TECPR2: variants seen among roughly 807,000 people sequenced by gnomAD.
The protein encoded by TECPR2 is tectonin beta-propeller repeat containing 2.
TECPR2 carries 65 observed loss-of-function variants against 138.1 expected under a neutral mutation model. That is an observed-to-expected ratio of 0.47 (90% CI 0.39 to 0.58). The LOEUF is 0.58. TECPR2 is among the 20% of genes least tolerant of loss of function. The pLI, the probability that TECPR2 is intolerant of heterozygous loss-of-function variation, is 0.00. For synonymous variants in TECPR2, 746 were observed against 749.8 expected, an observed-to-expected ratio of 0.99 and a Z score of 0.08; for missense variants, 1,553 against 1,824.5, an observed-to-expected ratio of 0.85 and a Z score of 2.71.
chr14:102,398,027 C>A (rs1429532326), intron 2 of TECPR2, among the ~76,000 whole-genome samples: 3 of 133,164 alleles, frequency 2.3e-5, no homozygotes, highest in Admixed American at 8.2e-5. Flanking sequence ...GAGCCAAGAT[C>A]GTGCCACTGC....
At chr14:102,497,396 C>A in intron 18 of TECPR2, 174 bp from the exon 19 acceptor site, 2 of 1,047,730 alleles carry the variant, frequency 1.9e-6, no homozygotes, top group Non-Finnish European at 1.3e-6. Context: ...CTTTGCTGGC[C>A]CTGCCAACTG....
rs1219515960 is a variant in TECPR2, at chr14:102,411,698, T to TAAAAAAAAAAA, written c.481-2938_481-2937insAAAAAAAAAAA. Among the ~76,000 whole-genome samples, 39 of 9,686 alleles carry TAAAAAAAAAAA rather than the reference T, an allele frequency of 4.0e-3. 2 individuals carry two copies. Among genetic ancestry groups the TAAAAAAAAAAA allele is most frequent in the Non-Finnish European group, 5.3e-3 (28 of 5,242 alleles). 6.4% of individuals were successfully genotyped at this position (9,686 alleles called of 152,430 possible). A position where few individuals can be genotyped will look rare whatever the true frequency, so the allele number is the denominator to read the frequency against. ...CAGGTGAAATAAACAGCCATGTTGC[T>TAAAAAAAAAAA]CAAAAAAAAAAAAAAAAAAAAAAAA... On this transcript the variant is annotated intron_variant, in intron 4 of 19. Coordinates refer to ENST00000359520, the MANE Select transcript of TECPR2 (RefSeq NM_014844.5).
At chr14:102,488,750 A>C (rs1477802230) in intron 17 of TECPR2, among the ~76,000 whole-genome samples, 3 of 151,802 alleles carry the variant, frequency 2.0e-5, no homozygotes, top group Admixed American at 2.0e-4. Flanking sequence ...ACTATAGTAC[A>C]CTGTCACAAC....
At chr14:102,409,748 C>T (rs924274750) in intron 4 of TECPR2, among the ~76,000 whole-genome samples, 3 of 152,168 alleles carry the variant, frequency 2.0e-5, no homozygotes, top group African/African-American at 7.2e-5. Flanking sequence ...CATTTTTGTT[C>T]ATATGGGTTA....
At chr14:102,385,553 C>A (rs1157500265) in intron 2 of TECPR2, among the ~76,000 whole-genome samples, 1 of 152,134 alleles carries the variant, frequency 6.6e-6, no homozygotes, top group Non-Finnish European at 1.5e-5. Flanking sequence ...GAGCAGCATC[C>A]ACAGGCTGTA....
chr14:102,484,747 C>T (rs117042657), intron 17 of TECPR2, among the ~76,000 whole-genome samples: 4,338 of 152,280 alleles, frequency 0.028, 83 homozygotes, highest in Middle Eastern at 0.092. Context: ...CAGCCTCCCC[C>T]TCCTGTGTTC....
rs1887224900 is a variant in TECPR2, at chr14:102,363,105, C to T, written c.-84C>T. ...GGCGGGGCCGACGAGTCCGGAGGGG[C>T]TGCCGCGGGAGGTGAGTCCGGCGAC... is the stretch of plus-strand genomic sequence containing the variant. On this transcript the variant is annotated 5_prime_UTR_variant, in exon 1 of 20. Transcript: ENST00000359520. 2.4e-6 allele frequency: 1 copy of T among 417,556 alleles called. No homozygotes were observed. The highest frequency in any genetic ancestry group is 4.2e-6 in the Non-Finnish European group (1 of 237,990). The allele number at this position is 417,556 out of a possible 1,614,324, so 25.9% of individuals were successfully genotyped here. A position where few individuals can be genotyped will look rare whatever the true frequency, so the allele number is the denominator to read the frequency against.
chr14:102,486,270 G>A (rs928042458), intron 17 of TECPR2, among the ~76,000 whole-genome samples: 1 of 152,106 alleles, frequency 6.6e-6, no homozygotes, highest in Non-Finnish European at 1.5e-5. Context: ...GTTTCCAAAT[G>A]TTTTTTAGCA....
chr14:102,470,188 T>A (rs1447360123), intron 17 of TECPR2, among the ~76,000 whole-genome samples: 2 of 152,182 alleles, frequency 1.3e-5, no homozygotes, highest in African/African-American at 4.8e-5. Context: ...TACACCCCAT[T>A]TGTTAGAATT....
intron 4 of TECPR2, among the ~76,000 whole-genome samples, chr14:102,410,475 A>AAAAAAAT (rs199767439): frequency 1.0e-4 from 15 of 147,754 alleles, no homozygotes; most frequent in African/African-American, 3.8e-4. Context: ...TAAATTAAAA[A>AAAAAAAT]AAAAAATAAA....
At chr14:102,460,934 A>G (rs543163480) in intron 16 of TECPR2, among the ~76,000 whole-genome samples, 54 of 151,800 alleles carry the variant, frequency 3.6e-4, no homozygotes, top group African/African-American at 1.3e-3. Flanking sequence ...TGATCTTGTG[A>G]TCCACCCGCC....
At chr14:102,404,578 A>AT (rs1454388034) in intron 2 of TECPR2, among the ~76,000 whole-genome samples, 5 of 139,774 alleles carry the variant, frequency 3.6e-5, no homozygotes, top group Non-Finnish European at 4.8e-5. Context: ...AGTCAAGTGA[A>AT]ATTTTTTTTT....
intron 17 of TECPR2, 114 bp from the exon 18 acceptor site, chr14:102,496,865 G>A (rs1032529579): frequency 2.7e-6 from 4 of 1,496,528 alleles, no homozygotes; most frequent in Non-Finnish European, 3.6e-6. Flanking sequence ...CTCCTGCGGG[G>A]CCCACACTGG....
In TECPR2 at chr14:102,383,310, C is replaced by T. The variant is rs138567979; in HGVS notation, c.219+6370C>T. ...TGGCAGTAAGGTTTATATGCGTTAG[C>T]GGAATTTGGACTCCTTACTCAGGTT... On this transcript the variant is annotated intron_variant, in intron 2 of 19. Coordinates refer to ENST00000359520, the MANE Select transcript of TECPR2 (RefSeq NM_014844.5). Among the ~76,000 whole-genome samples, 45 of 152,242 alleles carry T rather than the reference C, an allele frequency of 3.0e-4. No individual in the cohort carries two copies. The East Asian group carries it at 6.9e-3, about 23-fold the overall frequency.
In TECPR2 at chr14:102,465,161, T is replaced by G; in HGVS notation, c.3661T>G (p.Leu1221Val). Reference sequence around the variant, plus strand: ...TACAGGAGCTGTAAAATTGACAAGCTTGGCATGTGGAAATCAGCACATCTG... The same window carrying G: ...TACAGGAGCTGTAAAATTGACAAGCGTGGCATGTGGAAATCAGCACATCTG... The part of the protein sequence containing the change: ...SQLGAVKLTS[L>V]ACGNQHIWAC... Residue 1221 changes from leucine to valine, a missense_variant, in exon 17 of 20, where the codon TTG becomes GTG. Physicochemically the swap from Leu to Val is conservative, Grantham distance 32. Coordinates refer to ENST00000359520, the MANE Select transcript of TECPR2 (RefSeq NM_014844.5). The G allele has an allele frequency of 6.2e-7, 1 of 1,614,258 alleles. No homozygotes were observed. The highest frequency in any genetic ancestry group is 1.3e-5 in the African/African-American group (1 of 75,082).
chr14:102,412,388 C>T (rs1888903891), intron 4 of TECPR2, among the ~76,000 whole-genome samples: 1 of 152,158 alleles, frequency 6.6e-6, no homozygotes, highest in East Asian at 1.9e-4. Context: ...TCACCACAGT[C>T]TTCCAAAGTT....
intron 4 of TECPR2, 31 bp from the exon 5 acceptor site, chr14:102,414,605 A>T: frequency 1.2e-6 from 2 of 1,612,526 alleles, no homozygotes; most frequent in Non-Finnish European, 1.7e-6. Context: ...CCTGGCGCTG[A>T]TGTGAGGTGT....
intron 16 of TECPR2, among the ~76,000 whole-genome samples, chr14:102,459,669 G>C (rs528790395): frequency 1.6e-4 from 25 of 152,346 alleles, no homozygotes; most frequent in African/African-American, 4.3e-4. Context: ...TCTGGAGGCT[G>C]AGGCAAGGGA....
rs527366195 is a variant in TECPR2 at position 102,450,446 on chromosome 14, T to C, written c.3317-114T>C. The C allele has an allele frequency of 9.9e-4, 972 of 980,622 alleles. 1 individual carries two copies. The highest frequency in any genetic ancestry group is 1.4e-3 in the Non-Finnish European group (916 of 636,598). The allele number at this position is 980,622 out of a possible 1,614,324, so 60.7% of individuals were successfully genotyped here. A position where few individuals can be genotyped will look rare whatever the true frequency, so the allele number is the denominator to read the frequency against. ...CATGTCGCTTTATTTAGGGACACTC[T>C]AGAATTATCTGGAGAAAGGGTTTGA... On this transcript the variant is annotated intron_variant, in intron 14 of 19. Transcript: ENST00000359520.
Sources: gnomAD v4.1 joint callset for allele counts (sites outside exome capture counted in the v4.1 genomes callset) on GRCh38, gnomAD v4.1.1 for gene constraint, MANE v1.5 for transcripts, NCBI Gene and HGNC (gene_info 2026-07-23, HGNC 2026-07-21) for gene names.